CACNA1E: variants seen among roughly 807,000 people sequenced by gnomAD.
CACNA1E encodes the protein calcium voltage-gated channel subunit alpha1 E.
CACNA1E carries 40 observed loss-of-function variants against 259.2 expected under a neutral mutation model. The ratio of observed to expected loss-of-function variants is 0.15; its 90% CI spans 0.12 to 0.20. The LOEUF (loss-of-function observed/expected upper bound fraction) is 0.20, where lower values mean the gene tolerates loss of function less well. Ranked by LOEUF, CACNA1E falls within the 10% of genes least tolerant of loss-of-function variation. The pLI, the probability that CACNA1E is intolerant of heterozygous loss-of-function variation, is 1.00. For missense variants in CACNA1E, 1,874 were observed against 3,040.1 expected (o/e 0.62, Z 9.02); for synonymous variants, 1,104 against 1,138.5 (o/e 0.97, Z 0.61).
intron 7 of CACNA1E, among the ~76,000 whole-genome samples, chr1:181,706,960 A>G (rs987667843): frequency 3.9e-5 from 6 of 152,358 alleles, no homozygotes; most frequent in East Asian, 1.9e-4. Context: ...TCTATAATCT[A>G]TGGAATCTAT....
intron 6 of CACNA1E, among the ~76,000 whole-genome samples, chr1:181,646,937 C>T (rs530109864): frequency 1.3e-5 from 2 of 152,322 alleles, no homozygotes; most frequent in South Asian, 2.1e-4. Flanking sequence ...GGTGGGCTGC[C>T]GCCCCCGAAC....
At chr1:181,616,340 G>GT (rs1250252004) in intron 6 of CACNA1E, among the ~76,000 whole-genome samples, 3 of 118,338 alleles carry the variant, frequency 2.5e-5, no homozygotes, top group East Asian at 5.3e-4. Context: ...TGTTTGTTTT[G>GT]TTTTGTTTTT....
chr1:181,772,638 C>T (rs929532165), intron 37 of CACNA1E, among the ~76,000 whole-genome samples: 5 of 152,136 alleles, frequency 3.3e-5, no homozygotes, highest in South Asian at 4.1e-4. Context: ...TGGATATCTT[C>T]GCTTTGGGAG....
chr1:181,320,974 T>C (rs111438230), intron 1 of CACNA1E, among the ~76,000 whole-genome samples: 2 of 152,198 alleles, frequency 1.3e-5, no homozygotes, highest in African/African-American at 4.8e-5. Flanking sequence ...CATCCGTTTC[T>C]GGTGAAGGCT....
chr1:181,738,512 A>G, intron 24 of CACNA1E, 86 bp downstream of exon 24: 1 of 1,060,070 alleles, frequency 9.4e-7, no homozygotes, highest in South Asian at 1.3e-5. Flanking sequence ...CCTCAGTGTT[A>G]CCACCTACCA....
At chr1:181,772,031 C>T (rs1458665004) in intron 36 of CACNA1E, 35 bp from the exon 37 acceptor site, 1 of 1,602,102 alleles carries the variant, frequency 6.2e-7, no homozygotes, top group South Asian at 1.1e-5. Context: ...ATCTGCAGAG[C>T]TGCTCCTGCT....
rs1425687776 is a variant in CACNA1E, at chr1:181,552,887, T to TA, written c.513-24879_513-24878insA. On this transcript the variant is annotated intron_variant, in intron 3 of 47. Transcript: ENST00000367573. ...TGTTTCGATACCCAGTACCATGGTG[T>TA]TTCGGTTACTGTAGCCTTGTAGTAT... Among the ~76,000 whole-genome samples the TA allele has an allele frequency of 1.4e-3, 219 of 152,280 alleles. 1 individual carries two copies. The highest frequency in any genetic ancestry group is 5.0e-3 in the African/African-American group (206 of 41,546).
At position 181,807,260 on chromosome 1, in the gene CACNA1E, G is replaced by A. The variant is rs1324686632; in HGVS notation, c.*8426G>A. Reference sequence around the variant, plus strand: ...CAGGACATTGTCCTGATCTGCAAGCGAGGAGTTTAACAAGGTAGGCAGAGA... The same window carrying A: ...CAGGACATTGTCCTGATCTGCAAGCAAGGAGTTTAACAAGGTAGGCAGAGA... On this transcript the variant is annotated 3_prime_UTR_variant, in exon 48 of 48. Coordinates refer to ENST00000367573, the MANE Select transcript of CACNA1E (RefSeq NM_001205293.3). 6.6e-6 allele frequency: 1 copy of A among 151,932 alleles called. No homozygotes were observed. Among genetic ancestry groups the A allele is most frequent in the Non-Finnish European group, 1.5e-5 (1 of 68,020 alleles). 9.4% of individuals were successfully genotyped at this position (151,932 alleles called of 1,614,324 possible).
chr1:181,690,151 T>A (rs1303485775), intron 7 of CACNA1E, among the ~76,000 whole-genome samples: 1 of 151,214 alleles, frequency 6.6e-6, no homozygotes, highest in Non-Finnish European at 1.5e-5. Context: ...TTAATTTTTG[T>A]ATAAGGTGTA....
chr1:181,523,663 C>T lies in CACNA1E; in HGVS notation c.512+12153C>T, dbSNP rs988815846. On this transcript the variant is annotated intron_variant, in intron 3 of 47. Coordinates refer to ENST00000367573, the MANE Select transcript of CACNA1E (RefSeq NM_001205293.3). ...AGGGGCTATAGTAATTGAAATAACT[C>T]CTCCAAGGGATGGGGTTGGTCTTGA... Among the ~76,000 whole-genome samples the T allele has an allele frequency of 6.6e-5, 10 of 152,276 alleles. No individual in the cohort carries two copies. In the South Asian group the frequency reaches 8.3e-4, roughly 13 times the overall value.
At chr1:181,608,284 G>A (rs1260429732) in intron 6 of CACNA1E, among the ~76,000 whole-genome samples, 1 of 152,148 alleles carries the variant, frequency 6.6e-6, no homozygotes, top group East Asian at 1.9e-4. Context: ...AGCGAGGAAC[G>A]ATGAGGATAT....
chr1:181,535,722 C>T (rs1668119748), intron 3 of CACNA1E, among the ~76,000 whole-genome samples: 3 of 148,192 alleles, frequency 2.0e-5, no homozygotes, highest in African/African-American at 7.5e-5. Flanking sequence ...GATTCTCTCT[C>T]TGTTGCCCAG....
chr1:181,561,947 T>TGTA (rs1458819824), intron 3 of CACNA1E, among the ~76,000 whole-genome samples: 1 of 152,164 alleles, frequency 6.6e-6, no homozygotes, highest in African/African-American at 2.4e-5. Flanking sequence ...CTAATAAGTG[T>TGTA]GTAGTAATAA....
chr1:181,687,365 A>G (rs899970863), intron 7 of CACNA1E, among the ~76,000 whole-genome samples: 8 of 152,046 alleles, frequency 5.3e-5, no homozygotes, highest in Non-Finnish European at 8.8e-5. Flanking sequence ...TGGAGTTGGG[A>G]TTATTATTTA....
intron 1 of CACNA1E, among the ~76,000 whole-genome samples, chr1:181,362,498 T>G (rs1653959756): frequency 6.6e-6 from 1 of 152,234 alleles, no homozygotes; most frequent in Non-Finnish European, 1.5e-5. Flanking sequence ...AGACCTCAGT[T>G]TCCTTGTCTG....
In CACNA1E at chr1:181,799,760, G is replaced by C. The variant is rs1662135671; in HGVS notation, c.*926G>C. 6.6e-6 allele frequency: 1 copy of C among 152,220 alleles called. No homozygotes were observed. The highest frequency in any genetic ancestry group is 6.5e-5 in the Admixed American group (1 of 15,284). The allele number at this position is 152,220 out of a possible 1,614,324, so 9.4% of individuals were successfully genotyped here. The stretch of plus-strand genomic sequence containing the variant: ...GGCTCTTTAGATGCCAGTCATGGGG[G>C]AACCCTGAGGGTGTGGGTAGAGTAG... On this transcript the variant is annotated 3_prime_UTR_variant, in exon 48 of 48. Transcript: ENST00000367573.
chr1:181,558,881 G>T (rs943314912), intron 3 of CACNA1E, among the ~76,000 whole-genome samples: 1 of 152,134 alleles, frequency 6.6e-6, no homozygotes, highest in African/African-American at 2.4e-5. Flanking sequence ...TAGGGATAGA[G>T]AAATGAAACT....
intron 2 of CACNA1E, among the ~76,000 whole-genome samples, chr1:181,474,763 G>C (rs987201963): frequency 2.0e-5 from 3 of 152,052 alleles, no homozygotes; most frequent in African/African-American, 7.3e-5. Context: ...GTGGGGAGCT[G>C]TTTCCTTTTA....
At chr1:181,585,014 C>A (rs942896449) in intron 6 of CACNA1E, among the ~76,000 whole-genome samples, 2 of 149,156 alleles carry the variant, frequency 1.3e-5, no homozygotes, top group Non-Finnish European at 3.0e-5. Context: ...AAACTGGTCC[C>A]CCCCCCTGCC....
Sources: allele counts gnomAD v4.1 joint callset (sites outside exome capture counted in the v4.1 genomes callset), GRCh38; gene constraint gnomAD v4.1.1; transcripts MANE v1.5; gene names NCBI Gene and HGNC (gene_info 2026-07-23, HGNC 2026-07-21).